PTPRK: variants seen among roughly 807,000 people sequenced by gnomAD.
PTPRK encodes the protein receptor-type tyrosine-protein phosphatase kappa.
PTPRK carries 75 observed loss-of-function variants against 178.0 expected under a neutral mutation model. The ratio of observed to expected loss-of-function variants is 0.42; its 90% confidence interval spans 0.35 to 0.51. PTPRK has a LOEUF of 0.51. Ranked by LOEUF, PTPRK falls within the 20% of genes least tolerant of loss-of-function variation. The pLI is 0.02. For missense variants in PTPRK, 1,441 were observed against 1,797.8 expected (o/e 0.80, Z 3.59); for synonymous variants, 637 against 620.6 (o/e 1.03, Z -0.39).
chr6:128,003,260 A>G, intron 15 of PTPRK: 1 of 1,582,104 alleles, frequency 6.3e-7, no homozygotes, highest in South Asian at 1.1e-5. Flanking sequence ...TCATGAAGGA[A>G]TATATTGCTC....
At chr6:127,997,302 T>A (rs891109616) in intron 16 of PTPRK, among the ~76,000 whole-genome samples, 7 of 152,108 alleles carry the variant, frequency 4.6e-5, no homozygotes, top group Non-Finnish European at 8.8e-5. Flanking sequence ...TTTCAAAACG[T>A]ATTGAATGAT....
intron 3 of PTPRK, among the ~76,000 whole-genome samples, chr6:128,243,607 T>C (rs906702928): frequency 6.6e-6 from 1 of 151,618 alleles, no homozygotes; most frequent in Admixed American, 6.6e-5. Context: ...GGTGGGAGAA[T>C]TGCTTGAACC....
At chr6:128,033,369 T>C (rs937332452) in intron 13 of PTPRK, among the ~76,000 whole-genome samples, 3 of 152,200 alleles carry the variant, frequency 2.0e-5, no homozygotes, top group Admixed American at 6.5e-5. Context: ...AAATCTCTCA[T>C]TCCAAAGAGT....
At chr6:127,992,801 A>G in intron 18 of PTPRK, 92 bp from the exon 19 acceptor site, 1 of 1,021,068 alleles carries the variant, frequency 9.8e-7, no homozygotes, top group Non-Finnish European at 1.4e-6. Context: ...CCACCTGTTA[A>G]GATTAAGTTA....
At position 128,340,472 on chromosome 6, in the gene PTPRK, T is replaced by C. The variant is rs568276228; in HGVS notation, c.224-18162A>G. On this transcript the variant is annotated intron_variant, in intron 2 of 29. Transcript: ENST00000368226. ...AAGAAAGCATGCTCTGTTAATTCAC[T>C]ATGGGCATGAAAGAGTTTAGAGTTT... 8.5e-5 allele frequency among the ~76,000 whole-genome samples: 13 copies of C among 152,310 alleles called. 1 individual carries two copies. In the East Asian group the frequency reaches 2.5e-3, roughly 29 times the overall value.
At chr6:128,334,589 T>C (rs1442063694) in intron 2 of PTPRK, among the ~76,000 whole-genome samples, 2 of 152,204 alleles carry the variant, frequency 1.3e-5, no homozygotes, top group Admixed American at 6.5e-5. Context: ...AGAATTCAGA[T>C]TGAACAAAGT....
At chr6:128,065,020 T>C (rs1381480269) in intron 12 of PTPRK, among the ~76,000 whole-genome samples, 1 of 152,228 alleles carries the variant, frequency 6.6e-6, no homozygotes, top group Non-Finnish European at 1.5e-5. Context: ...ATGTAAATAT[T>C]TGTTTTTACC....
rs918059236 is a variant in PTPRK, at chr6:128,449,107, G to A, written c.101-51419C>T. Among the ~76,000 whole-genome samples the A allele has an allele frequency of 5.9e-5, 9 of 151,874 alleles. No individual in the cohort carries two copies. The East Asian group carries it at 1.2e-3, about 20-fold the overall frequency. On this transcript the variant is annotated intron_variant, in intron 1 of 29. Transcript: ENST00000368226. Reference sequence around the variant, plus strand: ...AAACTCCTGACCTCGTGATCCACCCGCCTCGGCCTCCCAAAGTGCTGGGAT... The same window carrying A: ...AAACTCCTGACCTCGTGATCCACCCACCTCGGCCTCCCAAAGTGCTGGGAT...
intron 21 of PTPRK, among the ~76,000 whole-genome samples, chr6:127,986,407 C>T (rs1404844313): frequency 2.0e-5 from 3 of 152,174 alleles, no homozygotes; most frequent in African/African-American, 7.2e-5. Flanking sequence ...GGCAGCTAAA[C>T]TGTTCTTTGG....
rs1554367484 is a variant in PTPRK, at chr6:128,243,509, A to AAAAAG, written c.496-912_496-908dup. On this transcript the variant is annotated intron_variant, in intron 3 of 29. Coordinates refer to ENST00000368226, the MANE Select transcript of PTPRK (RefSeq NM_002844.4). ...TCGCTAAAAAAAAAAAAAAAAAAAA[A>AAAAAG]AAAAGAAAAGAAAAGAAAAGAAAAA... 2.1e-3 allele frequency among the ~76,000 whole-genome samples: 288 copies of AAAAAG among 137,634 alleles called. 5 individuals are homozygous for AAAAAG. Among genetic ancestry groups the AAAAAG allele is most frequent in the East Asian group, 0.013 (52 of 3,944 alleles). 90.3% of individuals were successfully genotyped at this position (137,634 alleles called of 152,430 possible).
intron 6 of PTPRK, among the ~76,000 whole-genome samples, chr6:128,208,957 T>A (rs1807542407): frequency 6.6e-6 from 1 of 152,130 alleles, no homozygotes; most frequent in African/African-American, 2.4e-5. Flanking sequence ...CCACATTTTA[T>A]CCAATATCCC....
At chr6:128,433,834 T>C (rs1204101176) in intron 1 of PTPRK, among the ~76,000 whole-genome samples, 6 of 151,024 alleles carry the variant, frequency 4.0e-5, no homozygotes, top group Admixed American at 3.9e-4. Flanking sequence ...CTGTTTTTTT[T>C]TTTTTTTTAC....
At chr6:128,369,960 A>C (rs1252169100) in intron 2 of PTPRK, among the ~76,000 whole-genome samples, 1 of 152,110 alleles carries the variant, frequency 6.6e-6, no homozygotes, top group Non-Finnish European at 1.5e-5. Flanking sequence ...GAAACCATTC[A>C]AAATATTTAT....
intron 1 of PTPRK, among the ~76,000 whole-genome samples, chr6:128,429,431 T>C (rs767225047): frequency 6.6e-6 from 1 of 152,206 alleles, no homozygotes; most frequent in Non-Finnish European, 1.5e-5. Flanking sequence ...GACTAATACA[T>C]TATTCCAAGC....
At chr6:128,493,538 G>A (rs936557927) in intron 1 of PTPRK, among the ~76,000 whole-genome samples, 1 of 149,894 alleles carries the variant, frequency 6.7e-6, no homozygotes, top group African/African-American at 2.5e-5. Flanking sequence ...CTCCAGCTGG[G>A]TGAAAGAGCG....
At chr6:128,069,915 G>A (rs1007486676) in intron 11 of PTPRK, among the ~76,000 whole-genome samples, 3 of 152,222 alleles carry the variant, frequency 2.0e-5, no homozygotes, top group African/African-American at 7.2e-5. Flanking sequence ...CTTTGGGAAA[G>A]AGCCTTAAGT....
intron 3 of PTPRK, among the ~76,000 whole-genome samples, chr6:128,295,714 A>G (rs911815876): frequency 1.3e-5 from 2 of 152,150 alleles, no homozygotes; most frequent in Non-Finnish European, 2.9e-5. Flanking sequence ...TAAGCAAGTT[A>G]GTTTTCCACA....
chr6:128,436,577 G>A (rs1845630099), intron 1 of PTPRK, among the ~76,000 whole-genome samples: 1 of 151,842 alleles, frequency 6.6e-6, no homozygotes, highest in Non-Finnish European at 1.5e-5. Context: ...AATAATAAGT[G>A]CTAACAATCA....
chr6:128,250,975 G>A (rs1038064536), intron 3 of PTPRK, among the ~76,000 whole-genome samples: 4 of 152,132 alleles, frequency 2.6e-5, no homozygotes, highest in Non-Finnish European at 5.9e-5. Flanking sequence ...TAGAGAAAAG[G>A]AGCTTCTCTT....
Sources: gnomAD v4.1 joint callset for allele counts (sites outside exome capture counted in the v4.1 genomes callset) on GRCh38, gnomAD v4.1.1 for gene constraint, MANE v1.5 for transcripts, NCBI Gene and HGNC (gene_info 2026-07-23, HGNC 2026-07-21) for gene names.